Variants in TRPM3 observed in about 807,000 individuals in gnomAD.
TRPM3 encodes transient receptor potential cation channel subfamily M member 3.
TRPM3 carries 77 observed loss-of-function variants against 181.2 expected under a neutral mutation model. That is an observed-to-expected ratio of 0.42 (90% CI 0.35 to 0.51). TRPM3 has a LOEUF of 0.51. TRPM3 is among the 20% of genes least tolerant of loss of function. The pLI is 0.01. For synonymous variants in TRPM3, 745 were observed against 796.4 expected (o/e 0.94, Z 1.09); for missense variants, 1,759 against 2,196.7 (o/e 0.80, Z 3.98).
intron 6 of TRPM3, among the ~76,000 whole-genome samples, chr9:70,802,051 T>C (rs892254537): frequency 9.9e-5 from 15 of 152,220 alleles, no homozygotes; most frequent in African/African-American, 3.6e-4. Flanking sequence ...GACCTGAGAA[T>C]GTACATTTCA....
At chr9:71,147,800 C>T (rs191331034) in intron 1 of TRPM3, among the ~76,000 whole-genome samples, 95 of 152,264 alleles carry the variant, frequency 6.2e-4, no homozygotes, top group African/African-American at 2.2e-3. Flanking sequence ...ATGTGCACAA[C>T]TCATATCTCA....
rs550758700 is a variant in TRPM3 at position 71,140,376 on chromosome 9, C to T, written c.184-275865G>A. Among the ~76,000 whole-genome samples the T allele has an allele frequency of 3.9e-5, 6 of 152,182 alleles. No individual in the cohort carries two copies. In the South Asian group the frequency reaches 1.0e-3, roughly 26 times the overall value. ...ATCTCCGGTGTTTTAAATTCCTACT[C>T]AACATTGTCTTTCATTTCCAAAAGA... On this transcript the variant is annotated intron_variant, in intron 1 of 24. Transcript: ENST00000357533.
intron 1 of TRPM3, among the ~76,000 whole-genome samples, chr9:71,317,658 A>G (rs2088754322): frequency 1.5e-5 from 2 of 136,044 alleles, no homozygotes; most frequent in East Asian, 4.4e-4. Flanking sequence ...AAAAAAAGAA[A>G]AAGAAAAAAT....
intron 1 of TRPM3, among the ~76,000 whole-genome samples, chr9:71,193,482 T>G (rs1409415645): frequency 1.3e-5 from 2 of 151,830 alleles, no homozygotes; most frequent in Non-Finnish European, 2.9e-5. Flanking sequence ...CTCCTCTTTC[T>G]CTACCAGCAC....
intron 8 of TRPM3, among the ~76,000 whole-genome samples, chr9:70,693,875 G>A (rs2069350495): frequency 6.6e-6 from 1 of 152,224 alleles, no homozygotes; most frequent in South Asian, 2.1e-4. Context: ...AAAAATAGCA[G>A]TTCGGATTTT....
intron 1 of TRPM3, among the ~76,000 whole-genome samples, chr9:71,010,865 T>G (rs1384083086): frequency 1.3e-5 from 2 of 151,908 alleles, no homozygotes; most frequent in Non-Finnish European, 2.9e-5. Context: ...AGCCAAGATA[T>G]GGAATCAACC....
chr9:71,032,044 AT>A (rs1565023652), intron 1 of TRPM3, among the ~76,000 whole-genome samples: 3 of 3,048 alleles, frequency 9.8e-4, no homozygotes, highest in Admixed American at 4.2e-3. Context: ...ATATATATAT[AT>A]ATATTATATA....
At chr9:71,109,379 TC>T (rs1161462882) in intron 1 of TRPM3, among the ~76,000 whole-genome samples, 1 of 151,984 alleles carries the variant, frequency 6.6e-6, no homozygotes, top group Admixed American at 6.6e-5. Context: ...ATAACATGCA[TC>T]CCCTGAGTCT....
chr9:71,166,858 T>C (rs2076565494), intron 1 of TRPM3, among the ~76,000 whole-genome samples: 1 of 152,186 alleles, frequency 6.6e-6, no homozygotes, highest in African/African-American at 2.4e-5. Context: ...AGTATAATAA[T>C]GGGATGCATA....
chr9:71,437,712 A>T (rs1480338726), intron 1 of TRPM3, among the ~76,000 whole-genome samples: 1 of 151,940 alleles, frequency 6.6e-6, no homozygotes, highest in African/African-American at 2.4e-5. Context: ...TACTAAAAAT[A>T]CAAAAATTAG....
chr9:70,748,859 C>T (rs947302059), intron 8 of TRPM3, among the ~76,000 whole-genome samples: 34 of 151,926 alleles, frequency 2.2e-4, no homozygotes, highest in Non-Finnish European at 3.4e-4. Flanking sequence ...TCTTGACTGA[C>T]GAGGGTTAAG....
intron 1 of TRPM3, among the ~76,000 whole-genome samples, chr9:71,115,957 G>A (rs1237414500): frequency 6.6e-6 from 1 of 152,098 alleles, no homozygotes; most frequent in Non-Finnish European, 1.5e-5. Context: ...CCTCTCTGCT[G>A]GGTTTTAGTT....
At chr9:71,297,613 C>T (rs1005342553) in intron 1 of TRPM3, among the ~76,000 whole-genome samples, 1 of 152,140 alleles carries the variant, frequency 6.6e-6, no homozygotes, top group African/African-American at 2.4e-5. Flanking sequence ...ACAAGACTAG[C>T]ATAGGAGAAA....
chr9:71,352,305 A>G (rs2091686616), intron 1 of TRPM3, among the ~76,000 whole-genome samples: 1 of 152,240 alleles, frequency 6.6e-6, no homozygotes, highest in Non-Finnish European at 1.5e-5. Context: ...TCAAAGGAAA[A>G]CTGACTTAAT....
intron 1 of TRPM3, among the ~76,000 whole-genome samples, chr9:70,941,053 A>AGT (rs1431918313): frequency 6.6e-6 from 1 of 152,182 alleles, no homozygotes; most frequent in Non-Finnish European, 1.5e-5. Context: ...AGCAGTTATC[A>AGT]GTGTGTGTGA....
chr9:71,262,368 A>G (rs958860552), intron 1 of TRPM3, among the ~76,000 whole-genome samples: 3 of 152,122 alleles, frequency 2.0e-5, no homozygotes, highest in Non-Finnish European at 4.4e-5. Flanking sequence ...CCCTCCCCCA[A>G]CCAAGCTCCA....
intron 1 of TRPM3, among the ~76,000 whole-genome samples, chr9:71,171,436 A>C (rs1231296579): frequency 2.6e-5 from 4 of 152,062 alleles, no homozygotes; most frequent in African/African-American, 9.7e-5. Flanking sequence ...GTCTCCCCCG[A>C]ACACCCGGCT....
chr9:71,089,275 A>G (rs2133877307), intron 1 of TRPM3, among the ~76,000 whole-genome samples: 1 of 150,660 alleles, frequency 6.6e-6, no homozygotes, highest in South Asian at 2.1e-4. Context: ...TATCACTATA[A>G]AATAAAACAA....
At chr9:70,664,287 C>T (rs1374096283) in intron 9 of TRPM3, among the ~76,000 whole-genome samples, 1 of 152,056 alleles carries the variant, frequency 6.6e-6, no homozygotes, top group Admixed American at 6.6e-5. Context: ...TACAGATAGC[C>T]CTAAATTACC....
Sources: allele counts gnomAD v4.1 joint callset (sites outside exome capture counted in the v4.1 genomes callset), GRCh38; gene constraint gnomAD v4.1.1; transcripts MANE v1.5; gene names NCBI Gene and HGNC (gene_info 2026-07-23, HGNC 2026-07-21).